ZC3H18: variants seen among roughly 807,000 people sequenced by gnomAD.
ZC3H18 encodes zinc finger CCCH domain-containing protein 18.
In ZC3H18, 8 loss-of-function variants were observed where a neutral mutation model predicts 106.1. The ratio of observed to expected loss-of-function variants is 0.08; its 90% confidence interval spans 0.04 to 0.14. ZC3H18 has a LOEUF of 0.14. ZC3H18 is among the 10% of genes least tolerant of loss of function. ZC3H18 has a pLI of 1.00. For missense variants in ZC3H18, 1,318 were observed against 1,278.4 expected (o/e 1.03, Z -0.47); for synonymous variants, 635 against 522.1 (o/e 1.22, Z -2.95).
intron 1 of ZC3H18, among the ~76,000 whole-genome samples, chr16:88,575,167 CA>C (rs11366365): frequency 0.41 from 60,512 of 146,708 alleles, 12,737 homozygotes; most frequent in East Asian, 0.53. Context: ...CCATTAACAG[CA>C]AAAAAAAAAA....
At chr16:88,625,108 G>C (rs1343326244) in intron 12 of ZC3H18, 94 bp from the exon 13 acceptor site, 19 of 1,431,144 alleles carry the variant, frequency 1.3e-5, no homozygotes, top group Non-Finnish European at 1.7e-5. Context: ...GGCCAGTCTG[G>C]AGGCTCACCT....
At chr16:88,577,803 C>T (rs1597319019) in intron 2 of ZC3H18, 77 bp downstream of exon 2, 1 of 1,605,938 alleles carries the variant, frequency 6.2e-7, no homozygotes, top group African/African-American at 1.3e-5. Flanking sequence ...AAAGGAGGGA[C>T]TCTGTGTGGG....
intron 3 of ZC3H18, chr16:88,587,758 T>A (rs1478031090): frequency 3.8e-6 from 3 of 786,754 alleles, no homozygotes; most frequent in Non-Finnish European, 6.1e-6. Context: ...GTTCGGAACC[T>A]CCTCCTTAGA....
At chr16:88,587,470 A>G (rs553041959) in intron 3 of ZC3H18, 224 of 1,319,942 alleles carry the variant, frequency 1.7e-4, no homozygotes, top group Middle Eastern at 3.6e-4. Flanking sequence ...CTGTAAGCCC[A>G]TAGATGACTG....
At chr16:88,607,385 G>A (rs936973978) in intron 6 of ZC3H18, among the ~76,000 whole-genome samples, 2 of 152,200 alleles carry the variant, frequency 1.3e-5, no homozygotes, top group Non-Finnish European at 2.9e-5. Flanking sequence ...GTGAACTTGG[G>A]TGTCAGCTTG....
chr16:88,614,847 CCT>C (rs1905481757), intron 8 of ZC3H18, among the ~76,000 whole-genome samples: 1 of 152,250 alleles, frequency 6.6e-6, no homozygotes, highest in Non-Finnish European at 1.5e-5. Context: ...TGCCTTCTCC[CCT>C]GAGACCCCAC....
chr16:88,605,697 CT>C (rs886388374), intron 6 of ZC3H18, among the ~76,000 whole-genome samples: 3 of 152,358 alleles, frequency 2.0e-5, no homozygotes, highest in African/African-American at 7.2e-5. Flanking sequence ...TTTCCTAGTA[CT>C]TTTTGAGATC....
In ZC3H18 at chr16:88,631,337, AGGGT is replaced by A; in HGVS notation, c.*39_*42del. On this transcript the variant is annotated 3_prime_UTR_variant, in exon 18 of 18. Transcript: ENST00000301011. ...CCGGACTGGACGCATTTTTATACAT[AGGGT>A]AAGCGCAGCCATTTTGGATTTTGCA... The A allele has an allele frequency of 6.4e-7, 1 of 1,552,166 alleles. No homozygotes were observed. The highest frequency in any genetic ancestry group is 8.7e-7 in the Non-Finnish European group (1 of 1,147,346).
chr16:88,625,442 G>C, intron 13 of ZC3H18, 175 bp downstream of exon 13: 2 of 729,982 alleles, frequency 2.7e-6, no homozygotes, highest in Non-Finnish European at 4.5e-6. Context: ...GGAGAAAATG[G>C]GCCAGGACTC....
Position 88,628,868 on chromosome 16 carries a change from C to A in ZC3H18, c.2566+14C>A. 3 of 1,613,772 alleles carry A rather than the reference C, an allele frequency of 1.9e-6. No homozygotes were observed. The highest frequency in any genetic ancestry group is 2.5e-6 in the Non-Finnish European group (3 of 1,179,786). The stretch of plus-strand genomic sequence containing the variant: ...CCCCAGACCGAGGTGAGCCTCCCAG[C>A]CCCTAGGGGGCAGGGCAGAGGGACG... On this transcript the variant is annotated intron_variant, in intron 16 of 17. Transcript: ENST00000301011.
chr16:88,594,810 A>G (rs1362846734), intron 3 of ZC3H18, among the ~76,000 whole-genome samples: 3 of 152,298 alleles, frequency 2.0e-5, no homozygotes, highest in Non-Finnish European at 4.4e-5. Context: ...AATATTTCAT[A>G]TATATAAAAT....
Position 88,627,581 on chromosome 16 carries a change from C to T in ZC3H18, c.2109-41C>T. ...AGCACCCCCTGCTGGCCCCTCCCTCCAGTCTGGCTGGGGTGTGGTGAGATG... is the reference window on the plus strand; with the variant it reads ...AGCACCCCCTGCTGGCCCCTCCCTCTAGTCTGGCTGGGGTGTGGTGAGATG... On this transcript the variant is annotated intron_variant, in intron 13 of 17. Transcript: ENST00000301011. This position sits in a 1 kb window ranked among gnomAD's most constrained non-coding sequence, Gnocchi z 4.5. 1 of 1,564,338 alleles carries T rather than the reference C, an allele frequency of 6.4e-7. No homozygotes were observed. The highest frequency in any genetic ancestry group is 8.7e-7 in the Non-Finnish European group (1 of 1,149,478).
intron 8 of ZC3H18, among the ~76,000 whole-genome samples, chr16:88,621,206 A>C (rs1320870988): frequency 6.7e-6 from 1 of 148,986 alleles, no homozygotes; most frequent in Non-Finnish European, 1.5e-5. Context: ...CACCACATCC[A>C]ACTAATTTTT....
chr16:88,594,973 G>A (rs1904352851), intron 3 of ZC3H18, among the ~76,000 whole-genome samples: 1 of 152,116 alleles, frequency 6.6e-6, no homozygotes, highest in African/African-American at 2.4e-5. Flanking sequence ...CCAACATGGA[G>A]AAACCTCGTT....
At chr16:88,593,432 C>T (rs752209990) in intron 3 of ZC3H18, among the ~76,000 whole-genome samples, 4 of 152,244 alleles carry the variant, frequency 2.6e-5, no homozygotes, top group East Asian at 1.9e-4. Context: ...GATTTCATCA[C>T]GCTGCTCAGC....
intron 6 of ZC3H18, among the ~76,000 whole-genome samples, chr16:88,606,096 G>C (rs760678993): frequency 6.6e-6 from 1 of 152,220 alleles, no homozygotes; most frequent in African/African-American, 2.4e-5. Flanking sequence ...GCCCAACCTT[G>C]CTTCACCACA....
chr16:88,624,861 C>T, intron 12 of ZC3H18, 116 bp downstream of exon 12: 1 of 1,406,636 alleles, frequency 7.1e-7, no homozygotes, highest in Non-Finnish European at 9.4e-7. Context: ...TGGGAAGCGC[C>T]CCCTAGCCGA....
Position 88,583,795 on chromosome 16 carries a change from C to T in ZC3H18, c.604-2805C>T, listed in dbSNP as rs201019072. On this transcript the variant is annotated intron_variant, in intron 2 of 17. Coordinates refer to ENST00000301011, the MANE Select transcript of ZC3H18 (RefSeq NM_144604.4). The stretch of plus-strand genomic sequence containing the variant: ...TGTCCCAGGTGGTGTGTGTTGAGAG[C>T]CCCACGGGCACCATCCGTTTTTAGG... Among the ~76,000 whole-genome samples the T allele has an allele frequency of 7.9e-5, 12 of 152,274 alleles. No individual in the cohort carries two copies. In the East Asian group the frequency reaches 2.1e-3, roughly 27 times the overall value.
chr16:88,608,958 T>C lies in ZC3H18; in HGVS notation c.1113T>C (p.Tyr371=), dbSNP rs768365492. Residue 371 remains tyrosine, a synonymous_variant, in exon 7 of 18, where the codon TAT becomes TAC. Transcript: ENST00000301011. ...DTVLEPYADP[Y]YDYEIERFWR... ...GACTCGAGCCTTACGCAGACCCTTA[T>C]TATGACTATGAAATTGAGCGGTTTT... The C allele has an allele frequency of 6.2e-7, 1 of 1,613,762 alleles. No homozygotes were observed. The highest frequency in any genetic ancestry group is 1.3e-5 in the African/African-American group (1 of 74,912).
Sources: allele counts gnomAD v4.1 joint callset (sites outside exome capture counted in the v4.1 genomes callset), GRCh38; gene constraint gnomAD v4.1.1; non-coding constraint Gnocchi (gnomAD v3.1); transcripts MANE v1.5; gene names NCBI Gene and HGNC (gene_info 2026-07-23, HGNC 2026-07-21).